ME3: variants seen among roughly 807,000 people sequenced by gnomAD.
ME3 encodes the protein malic enzyme 3, also known as NADP-dependent malic enzyme, mitochondrial.
In ME3, 48 loss-of-function variants were observed where a neutral mutation model predicts 68.9. The ratio of observed to expected loss-of-function variants is 0.70; its 90% CI spans 0.55 to 0.89. The LOEUF (loss-of-function observed/expected upper bound fraction) is 0.89. Ranked by LOEUF, ME3 falls within the 40% of genes least tolerant of loss-of-function variation. The pLI is 0.00. For synonymous variants in ME3, 320 were observed against 318.8 expected, an observed-to-expected ratio of 1.00 and a Z score of -0.04; for missense variants, 675 against 797.4, an observed-to-expected ratio of 0.85 and a Z score of 1.85.
chr11:86,587,325 G>C (rs145740733), intron 2 of ME3, among the ~76,000 whole-genome samples: 1 of 152,192 alleles, frequency 6.6e-6, no homozygotes, highest in Non-Finnish European at 1.5e-5. Context: ...ATCAGGCCTG[G>C]GCAGGCATGA....
chr11:86,580,414 A>G (rs1387862906), intron 2 of ME3, among the ~76,000 whole-genome samples: 1 of 152,196 alleles, frequency 6.6e-6, no homozygotes, highest in Non-Finnish European at 1.5e-5. Flanking sequence ...ACCAGTAGGT[A>G]ATAGCTTGTT....
At chr11:86,538,925 G>A (rs1354623280) in intron 4 of ME3, among the ~76,000 whole-genome samples, 3 of 152,114 alleles carry the variant, frequency 2.0e-5, no homozygotes, top group Non-Finnish European at 2.9e-5. Context: ...TTTCCCAGAA[G>A]TCCTGTGGCA....
intron 4 of ME3, among the ~76,000 whole-genome samples, chr11:86,516,681 G>A (rs889175736): frequency 1.3e-5 from 2 of 152,128 alleles, no homozygotes; most frequent in Admixed American, 6.6e-5. Context: ...ATGAGCCACC[G>A]TGCCTGGCCT....
chr11:86,537,478 A>G (rs1955756197), intron 4 of ME3, among the ~76,000 whole-genome samples: 1 of 152,086 alleles, frequency 6.6e-6, no homozygotes, highest in African/African-American at 2.4e-5. Context: ...TGTCATTTCC[A>G]CTGATTTGTG....
At chr11:86,449,024 G>A (rs1369631175) in intron 10 of ME3, among the ~76,000 whole-genome samples, 2 of 152,192 alleles carry the variant, frequency 1.3e-5, no homozygotes, top group African/African-American at 4.8e-5. Flanking sequence ...GTAGGGGTGG[G>A]TGGGAAGAGG....
chr11:86,539,241 C>T (rs983424528), intron 4 of ME3, among the ~76,000 whole-genome samples: 2 of 152,152 alleles, frequency 1.3e-5, no homozygotes, highest in African/African-American at 4.8e-5. Context: ...GCTTGGAACT[C>T]ATCCAGTAAA....
intron 4 of ME3, among the ~76,000 whole-genome samples, chr11:86,534,765 C>A (rs1403080865): frequency 6.6e-6 from 1 of 152,132 alleles, no homozygotes; most frequent in Non-Finnish European, 1.5e-5. Flanking sequence ...ATCCCTATTC[C>A]ATAGGGATAC....
At chr11:86,636,499 AC>A (rs1338641662) in intron 2 of ME3, among the ~76,000 whole-genome samples, 1 of 152,098 alleles carries the variant, frequency 6.6e-6, no homozygotes, top group Non-Finnish European at 1.5e-5. Flanking sequence ...CCCTTGGTGC[AC>A]CTCCAGAGTG....
intron 5 of ME3, among the ~76,000 whole-genome samples, chr11:86,507,748 G>A (rs1005094680): frequency 2.0e-5 from 3 of 152,110 alleles, no homozygotes; most frequent in Admixed American, 6.5e-5. Context: ...TTTGGGAGGC[G>A]TCGATGGACA....
At chr11:86,519,311 T>C (rs1954100563) in intron 4 of ME3, among the ~76,000 whole-genome samples, 1 of 152,232 alleles carries the variant, frequency 6.6e-6, no homozygotes, top group South Asian at 2.1e-4. Flanking sequence ...TCCTCTTGAA[T>C]GTTTGAATTC....
chr11:86,646,866 C>T (rs947878855), intron 2 of ME3, among the ~76,000 whole-genome samples: 4 of 152,164 alleles, frequency 2.6e-5, no homozygotes, highest in Admixed American at 1.3e-4. Context: ...TGCAGAAACC[C>T]TACAAGCCAA....
intron 2 of ME3, among the ~76,000 whole-genome samples, chr11:86,614,266 G>A (rs1416477721): frequency 6.6e-6 from 1 of 152,188 alleles, no homozygotes. Context: ...TCAAACTCAT[G>A]TCTGGCTGAT....
chr11:86,560,612 CATTATT>C (rs975901373), intron 2 of ME3, among the ~76,000 whole-genome samples: 1 of 151,038 alleles, frequency 6.6e-6, no homozygotes, highest in African/African-American at 2.4e-5. Context: ...AGTAATGATC[CATTATT>C]ATTAACTAAA....
Position 86,617,057 on chromosome 11 carries a change from T to G in ME3, c.183+54705A>C, listed in dbSNP as rs573756895. 2.2e-3 allele frequency among the ~76,000 whole-genome samples: 298 copies of G among 136,118 alleles called. 2 individuals are homozygous for G. The highest frequency in any genetic ancestry group is 7.8e-3 in the African/African-American group (291 of 37,236). 89.3% of individuals were successfully genotyped at this position (136,118 alleles called of 152,430 possible). On this transcript the variant is annotated intron_variant, in intron 2 of 14. Coordinates refer to ENST00000543262, the Ensembl canonical transcript of ME3. Reference sequence around the variant, plus strand: ...CTCCAAGATAGTAGTTTTTTTTTTTTTTTTTTTTTTTTTTTTTTTTTAAAG... The same window carrying G: ...CTCCAAGATAGTAGTTTTTTTTTTTGTTTTTTTTTTTTTTTTTTTTTAAAG...
At chr11:86,595,306 T>TAGAG (rs34224480) in intron 2 of ME3, among the ~76,000 whole-genome samples, 3,924 of 79,776 alleles carry the variant, frequency 0.049, 464 homozygotes, top group East Asian at 0.15. Context: ...TATATATATA[T>TAGAG]AGAGAGAGAG....
Sources: gnomAD v4.1 joint callset for allele counts (sites outside exome capture counted in the v4.1 genomes callset) on GRCh38, gnomAD v4.1.1 for gene constraint, MANE v1.5 for transcripts, NCBI Gene and HGNC (gene_info 2026-07-23, HGNC 2026-07-21) for gene names.